RBPJ: variants seen among roughly 807,000 people sequenced by gnomAD.
The protein encoded by RBPJ is recombining binding protein suppressor of hairless.
Under a neutral mutation model 67.8 loss-of-function variants are expected in RBPJ, and 9 were observed. That is an observed-to-expected ratio of 0.13 (90% CI 0.08 to 0.23). The LOEUF is 0.23. Ranked by LOEUF, RBPJ falls within the 10% of genes least tolerant of loss-of-function variation. The pLI, the probability that RBPJ is intolerant of heterozygous loss-of-function variation, is 1.00. For synonymous variants in RBPJ, 198 were observed against 203.3 expected (o/e 0.97, Z 0.22); for missense variants, 305 against 595.6 (o/e 0.51, Z 5.08).
chr4:26,109,176 TG>T, the RBPJ span, among the ~76,000 whole-genome samples: 1 of 150,496 alleles, frequency 6.6e-6, no homozygotes, highest in South Asian at 2.1e-4. Flanking sequence ...GGTGTGATCT[TG>T]GCTCACTGCA....
At chr4:26,292,565 C>T (rs930652674) in intron 1 of RBPJ, among the ~76,000 whole-genome samples, 5 of 150,158 alleles carry the variant, frequency 3.3e-5, no homozygotes, top group Non-Finnish European at 5.9e-5. Context: ...GGATTACAGC[C>T]GCCCACCATC....
At chr4:26,319,407 T>TCCGCCCC (rs1722799298), upstream of RBPJ, among the ~76,000 whole-genome samples, 1 of 141,370 alleles carries the variant, frequency 7.1e-6, no homozygotes, top group Non-Finnish European at 1.6e-5. Context: ...CCCGCCGCCC[T>TCCGCCCC]CCGCCCCGTG....
chr4:26,211,805 T>A (rs1718431591), intron 1 of RBPJ, among the ~76,000 whole-genome samples: 1 of 152,152 alleles, frequency 6.6e-6, no homozygotes, highest in Non-Finnish European at 1.5e-5. Flanking sequence ...CTTAATATGA[T>A]CTTATTTAGA....
intron 1 of RBPJ, among the ~76,000 whole-genome samples, chr4:26,248,348 G>C (rs1052649768): frequency 6.6e-6 from 1 of 152,040 alleles, no homozygotes; most frequent in South Asian, 2.1e-4. Flanking sequence ...TTATCTCTTG[G>C]TTTCATATTT....
intron 1 of RBPJ, among the ~76,000 whole-genome samples, chr4:26,175,411 G>A (rs2109122657): frequency 6.6e-6 from 1 of 152,260 alleles, no homozygotes; most frequent in East Asian, 1.9e-4. Context: ...GAGGCAGCAG[G>A]GAGAAGCCAC....
At chr4:26,411,913 C>T (rs1734056949) in intron 3 of RBPJ, among the ~76,000 whole-genome samples, 1 of 151,096 alleles carries the variant, frequency 6.6e-6, no homozygotes, top group Non-Finnish European at 1.5e-5. Context: ...CGAGACCATC[C>T]TGGCTAACAT....
At chr4:26,166,728 T>A (rs2036020932) in intron 1 of RBPJ, among the ~76,000 whole-genome samples, 1 of 152,206 alleles carries the variant, frequency 6.6e-6, no homozygotes, top group South Asian at 2.1e-4. Flanking sequence ...TTTAATTAGA[T>A]CCCATTTGTC....
At chr4:26,122,654 A>G in the RBPJ span, among the ~76,000 whole-genome samples, 1 of 152,192 alleles carries the variant, frequency 6.6e-6, no homozygotes, top group African/African-American at 2.4e-5. Flanking sequence ...ATATAGAGAA[A>G]CATAAGGAAG....
At chr4:26,396,711 C>T (rs1732153311) in intron 2 of RBPJ, among the ~76,000 whole-genome samples, 1 of 152,210 alleles carries the variant, frequency 6.6e-6, no homozygotes, top group Admixed American at 6.5e-5. Context: ...AAGAATGTGT[C>T]TCATAGCTGT....
chr4:26,119,170 T>C, the RBPJ span, among the ~76,000 whole-genome samples: 129 of 152,358 alleles, frequency 8.5e-4, no homozygotes, highest in African/African-American at 3.1e-3. Context: ...CAAGGCTGCA[T>C]ATAGTGAAAT....
At chr4:26,245,643 A>G (rs1294357379) in intron 1 of RBPJ, among the ~76,000 whole-genome samples, 3 of 152,178 alleles carry the variant, frequency 2.0e-5, no homozygotes, top group Admixed American at 1.3e-4. Flanking sequence ...TTAAGAAATC[A>G]TTGCCTAATC....
intron 1 of RBPJ, among the ~76,000 whole-genome samples, chr4:26,363,925 A>C (rs899535286): frequency 3.9e-5 from 6 of 152,130 alleles, no homozygotes; most frequent in African/African-American, 1.2e-4. Context: ...TAAAATTTTG[A>C]GTGATGTAAT....
intron 1 of RBPJ, among the ~76,000 whole-genome samples, chr4:26,173,303 T>A (rs914676374): frequency 6.6e-6 from 1 of 151,998 alleles, no homozygotes; most frequent in African/African-American, 2.4e-5. Flanking sequence ...GCCCGGCTAA[T>A]TTTTGTATTT....
the RBPJ span, among the ~76,000 whole-genome samples, chr4:26,143,433 T>C: frequency 6.6e-6 from 1 of 152,208 alleles, no homozygotes; most frequent in Non-Finnish European, 1.5e-5. Context: ...GGGCCCTGTG[T>C]TACTTGTAGT....
At chr4:26,187,707 G>A (rs1233991021) in intron 1 of RBPJ, among the ~76,000 whole-genome samples, 1 of 152,092 alleles carries the variant, frequency 6.6e-6, no homozygotes, top group Admixed American at 6.6e-5. Flanking sequence ...TGTGAACACT[G>A]AGAATTTTCC....
At chr4:26,312,135 A>ATTT (rs199753046) in intron 1 of RBPJ, among the ~76,000 whole-genome samples, 1 of 147,482 alleles carries the variant, frequency 6.8e-6, no homozygotes. Flanking sequence ...ATTTTATTTT[A>ATTT]TTTTATTTTT....
intron 1 of RBPJ, among the ~76,000 whole-genome samples, chr4:26,241,033 C>G (rs971389711): frequency 6.6e-6 from 1 of 151,858 alleles, no homozygotes; most frequent in Non-Finnish European, 1.5e-5. Context: ...CCAAAACCCC[C>G]GTTTCTACAA....
chr4:26,315,144 C>CAAAAAAAAAA (rs60940172), upstream of RBPJ, among the ~76,000 whole-genome samples: 1 of 10,348 alleles, frequency 9.7e-5, no homozygotes, highest in Non-Finnish European at 1.7e-4. Flanking sequence ...GTCTCTGTCT[C>CAAAAAAAAAA]AAAAAAAAAA....
intron 1 of RBPJ, among the ~76,000 whole-genome samples, chr4:26,336,913 CCTA>C (rs1425876740): frequency 6.6e-6 from 1 of 151,954 alleles, no homozygotes; most frequent in African/African-American, 2.4e-5. Context: ...TGTAAAAAAG[CCTA>C]AATGGTAGCG....
Sources: allele counts gnomAD v4.1 joint callset (sites outside exome capture counted in the v4.1 genomes callset), GRCh38; gene constraint gnomAD v4.1.1; transcripts MANE v1.5; gene names NCBI Gene and HGNC (gene_info 2026-07-23, HGNC 2026-07-21).